Variants in SETD3 observed in about 807,000 individuals in gnomAD.
The protein encoded by SETD3 is actin-histidine N-methyltransferase.
SETD3 carries 19 observed loss-of-function variants against 63.0 expected under a neutral mutation model. That is an observed-to-expected ratio of 0.30 (90% confidence interval 0.21 to 0.44). SETD3 has a LOEUF of 0.44. Ranked by LOEUF, SETD3 falls within the 20% of genes least tolerant of loss-of-function variation. SETD3 has a pLI of 1.00. For synonymous variants in SETD3, 286 were observed against 264.1 expected, an observed-to-expected ratio of 1.08 and a Z score of -0.80; for missense variants, 587 against 728.5, an observed-to-expected ratio of 0.81 and a Z score of 2.24.
intron 1 of SETD3, among the ~76,000 whole-genome samples, chr14:99,467,785 C>T (rs1400596847): frequency 3.3e-5 from 5 of 152,178 alleles, no homozygotes; most frequent in African/African-American, 9.7e-5. Context: ...TGGGACAGGG[C>T]TGTTCTGCAC....
Position 99,398,298 on chromosome 14 carries a change from A to G in SETD3, c.*381T>C, listed in dbSNP as rs112028289. 1.9e-4 allele frequency: 32 copies of G among 170,380 alleles called. No individual in the cohort carries two copies. The highest frequency in any genetic ancestry group is 1.0e-3 in the Admixed American group (18 of 17,700). The allele number at this position is 170,380 out of a possible 1,614,324, so 10.6% of individuals were successfully genotyped here. ...AGTCCCGCCACCAATTCTGGCTGGC[A>G]GGAGGCAGAGCAAGCTTTCATTCTG... On this transcript the variant is annotated 3_prime_UTR_variant, in exon 13 of 13. Coordinates refer to ENST00000331768, the MANE Select transcript of SETD3 (RefSeq NM_032233.3).
chr14:99,408,347 T>A (rs762554438), intron 8 of SETD3, among the ~76,000 whole-genome samples: 5 of 152,158 alleles, frequency 3.3e-5, no homozygotes, highest in Non-Finnish European at 7.4e-5. Flanking sequence ...AACACTTCAA[T>A]TGAATGAAAA....
At chr14:99,420,134 G>C (rs967879228) in intron 6 of SETD3, among the ~76,000 whole-genome samples, 1 of 152,110 alleles carries the variant, frequency 6.6e-6, no homozygotes, top group Non-Finnish European at 1.5e-5. Flanking sequence ...CCAATCTCCA[G>C]GTCCCTGTTG....
upstream of SETD3, chr14:99,481,541 A>G (rs375736266): frequency 5.0e-6 from 2 of 398,494 alleles, no homozygotes; most frequent in East Asian, 7.1e-5. Context: ...AGGTCGGAGT[A>G]GGTTATGGCC....
intron 1 of SETD3, among the ~76,000 whole-genome samples, chr14:99,466,855 T>G (rs1367946553): frequency 1.3e-5 from 2 of 152,072 alleles, no homozygotes; most frequent in African/African-American, 4.8e-5. Flanking sequence ...GGTAGGGCGA[T>G]CCATAAGCTA....
At chr14:99,451,110 T>C (rs890964226) in intron 6 of SETD3, among the ~76,000 whole-genome samples, 11 of 152,194 alleles carry the variant, frequency 7.2e-5, no homozygotes, top group Admixed American at 2.6e-4. Context: ...TATACGTTGC[T>C]TTCACACAAT....
chr14:99,460,374 C>T (rs565849999), intron 4 of SETD3, among the ~76,000 whole-genome samples: 1 of 152,134 alleles, frequency 6.6e-6, no homozygotes, highest in Non-Finnish European at 1.5e-5. Flanking sequence ...AGATGGTCAC[C>T]CAAAATATCA....
At chr14:99,420,451 G>C (rs1372513086) in intron 6 of SETD3, among the ~76,000 whole-genome samples, 1 of 152,170 alleles carries the variant, frequency 6.6e-6, no homozygotes, top group African/African-American at 2.4e-5. Flanking sequence ...TCCTGGGACA[G>C]CGGAGGAAAG....
At chr14:99,423,344 G>A (rs751041818) in intron 6 of SETD3, among the ~76,000 whole-genome samples, 3 of 151,512 alleles carry the variant, frequency 2.0e-5, no homozygotes, top group Non-Finnish European at 4.4e-5. Context: ...CCATTAAAAC[G>A]GCAACGAACT....
intron 12 of SETD3, among the ~76,000 whole-genome samples, chr14:99,399,853 C>T (rs1272914093): frequency 6.8e-6 from 1 of 146,874 alleles, no homozygotes. Context: ...TGGGTTCAAG[C>T]GATTCTCCTG....
chr14:99,418,850 A>G lies in SETD3; in HGVS notation c.676-4916T>C, dbSNP rs528662327. 3.3e-5 allele frequency among the ~76,000 whole-genome samples: 5 copies of G among 152,294 alleles called. No individual in the cohort carries two copies. The South Asian group carries it at 1.0e-3, about 32-fold the overall frequency. On this transcript the variant is annotated intron_variant, in intron 6 of 12. Transcript: ENST00000331768. ...AAGAAGAAAGCTGAATATTGGAAAG[A>G]TGGAAAAGATGGCAGGCAGGAGAAA...
intron 1 of SETD3, among the ~76,000 whole-genome samples, chr14:99,476,274 C>T (rs1895967602): frequency 1.3e-5 from 2 of 152,190 alleles, no homozygotes; most frequent in Non-Finnish European, 2.9e-5. Flanking sequence ...GGCTCAAAAC[C>T]AACCCATTTA....
At position 99,397,817 on chromosome 14, in the gene SETD3, T is replaced by A. The variant is rs892605302; in HGVS notation, c.*862A>T. 5 of 152,444 alleles carry A rather than the reference T, an allele frequency of 3.3e-5. No individual in the cohort carries two copies. Among genetic ancestry groups the A allele is most frequent in the Non-Finnish European group, 5.9e-5 (4 of 68,032 alleles). The allele number at this position is 152,444 out of a possible 1,614,324, so 9.4% of individuals were successfully genotyped here. A position where few individuals can be genotyped will look rare whatever the true frequency, so the allele number is the denominator to read the frequency against. ...AGCTTTGAAAATCTCTAGCTTGTTG[T>A]GAAAACCAGGAAAGCCAAGGAGCTG... On this transcript the variant is annotated 3_prime_UTR_variant, in exon 13 of 13. Coordinates refer to ENST00000331768, the MANE Select transcript of SETD3 (RefSeq NM_032233.3).
intron 11 of SETD3, among the ~76,000 whole-genome samples, chr14:99,402,143 G>A (rs1891421251): frequency 6.6e-6 from 1 of 152,140 alleles, no homozygotes; most frequent in South Asian, 2.1e-4. Context: ...TCCTCCCTAT[G>A]CTAAAGGTCT....
chr14:99,430,006 G>A (rs560998737), intron 6 of SETD3, among the ~76,000 whole-genome samples: 2 of 152,342 alleles, frequency 1.3e-5, no homozygotes, highest in East Asian at 1.9e-4. Context: ...GCCATTAAAC[G>A]AGAGGGGAGG....
intron 2 of SETD3, among the ~76,000 whole-genome samples, chr14:99,464,423 C>A (rs1895252413): frequency 6.6e-6 from 1 of 152,220 alleles, no homozygotes; most frequent in Admixed American, 6.5e-5. Context: ...AGTCTTACTT[C>A]ATTCTCCAAC....
Position 99,398,596 on chromosome 14 carries a change from T to C in SETD3, c.*83A>G. On this transcript the variant is annotated 3_prime_UTR_variant, in exon 13 of 13. Coordinates refer to ENST00000331768, the MANE Select transcript of SETD3 (RefSeq NM_032233.3). ...ATCTTCCTCTCTGCAGAAAGAAAAATGTTAACAAGGAAACACAGCGATGTG... is the reference window on the plus strand; with the variant it reads ...ATCTTCCTCTCTGCAGAAAGAAAAACGTTAACAAGGAAACACAGCGATGTG... The C allele has an allele frequency of 1.5e-6, 2 of 1,303,602 alleles. No homozygotes were observed. Among genetic ancestry groups the C allele is most frequent in the Non-Finnish European group, 2.1e-6 (2 of 942,282 alleles). 80.8% of individuals were successfully genotyped at this position (1,303,602 alleles called of 1,614,324 possible). A position where few individuals can be genotyped will look rare whatever the true frequency, so the allele number is the denominator to read the frequency against.
rs767134713 is a variant in SETD3, at chr14:99,400,154, G to A, written c.1283C>T (p.Thr428Ile). The A allele has an allele frequency of 1.1e-5, 18 of 1,614,102 alleles. No homozygotes were observed. Among genetic ancestry groups the A allele is most frequent in the Non-Finnish European group, 1.5e-5 (18 of 1,179,988 alleles). ...AAGTGAGGCTCTATCTTCAAGAAAT[G>A]TCCAAAGTTTGACCTCGTTGTCCCA... ...VSWDNEVKLW[T>I]FLEDRASLLL... The change falls in exon 12 of 13, where the codon ACA becomes ATA. Residue 428 changes from threonine (T) to isoleucine (I), a missense_variant. By Grantham distance (89) the Thr-to-Ile change is moderately conservative (BLOSUM62 -1). Transcript: ENST00000331768.
At chr14:99,447,844 A>G (rs368186496) in intron 6 of SETD3, among the ~76,000 whole-genome samples, 16 of 152,346 alleles carry the variant, frequency 1.1e-4, no homozygotes, top group African/African-American at 3.6e-4. Context: ...GTATCTTTCA[A>G]TCCCAACACA....
Sources: allele counts gnomAD v4.1 joint callset (sites outside exome capture counted in the v4.1 genomes callset), GRCh38; gene constraint gnomAD v4.1.1; transcripts MANE v1.5; gene names NCBI Gene and HGNC (gene_info 2026-07-23, HGNC 2026-07-21).